The following CLMN variants were observed in gnomAD, a reference collection of about 807,000 sequenced individuals.
CLMN encodes the protein calmin, also known as calmin (calponin-like, transmembrane).
In CLMN, 57 loss-of-function variants were observed where a neutral mutation model predicts 92.7. The ratio of observed to expected loss-of-function variants is 0.61; its 90% CI spans 0.50 to 0.77. CLMN has a LOEUF of 0.77. Ranked by LOEUF, CLMN falls within the 30% of genes least tolerant of loss-of-function variation. CLMN has a pLI of 0.00. For missense variants in CLMN, 1,158 were observed against 1,237.5 expected (o/e 0.94, Z 0.96); for synonymous variants, 466 against 470.6 (o/e 0.99, Z 0.13).
At position 95,183,637 on chromosome 14, in the gene CLMN, T is replaced by C. The variant is rs1308906785; in HGVS notation, c.*7927A>G. On this transcript the variant is annotated 3_prime_UTR_variant, in exon 13 of 13. Transcript: ENST00000298912. ...GAAGTACGTGTTAGAGGTGCAGAGA[T>C]GAGCAGCTGGGGGCAGGATGTATAG... 6.6e-6 allele frequency: 1 copy of C among 152,206 alleles called. No individual in the cohort carries two copies. Among genetic ancestry groups the C allele is most frequent in the Non-Finnish European group, 1.5e-5 (1 of 68,042 alleles). The allele number at this position is 152,206 out of a possible 1,614,324, so 9.4% of individuals were successfully genotyped here.
chr14:95,213,410 C>G lies in CLMN; in HGVS notation c.418-1G>C, dbSNP rs1897250980. 6.3e-7 allele frequency: 1 copy of G among 1,597,960 alleles called. No individual in the cohort carries two copies. Among genetic ancestry groups the G allele is most frequent in the Non-Finnish European group, 8.5e-7 (1 of 1,173,772 alleles). ...TGAGGTTGCCTGTGAGCTCCTTAAT[C>G]TGGAAGGAAAATGGCATTTCAGACC... On this transcript the variant is annotated splice_acceptor_variant, in intron 5 of 12. Coordinates refer to ENST00000298912, the MANE Select transcript of CLMN (RefSeq NM_024734.4). LOFTEE classifies it high-confidence loss of function.
intron 1 of CLMN, chr14:95,296,131 C>T (rs1386528904): frequency 6.6e-6 from 1 of 152,226 alleles, no homozygotes; most frequent in East Asian, 1.9e-4. Flanking sequence ...AATTTTGGCT[C>T]ACATTTCTAG....
chr14:95,220,565 G>C (rs1165377544), intron 4 of CLMN, among the ~76,000 whole-genome samples: 1 of 152,210 alleles, frequency 6.6e-6, no homozygotes, highest in African/African-American at 2.4e-5. Context: ...GTGCTGCCAT[G>C]AACTGTAATG....
At chr14:95,280,626 T>C (rs765080948) in intron 1 of CLMN, among the ~76,000 whole-genome samples, 1 of 152,230 alleles carries the variant, frequency 6.6e-6, no homozygotes, top group Non-Finnish European at 1.5e-5. Context: ...AGTCTTTTTC[T>C]GACCTGATTA....
At chr14:95,196,475 G>C in intron 10 of CLMN, 23 bp downstream of exon 10, 1 of 1,599,606 alleles carries the variant, frequency 6.3e-7, no homozygotes, top group Non-Finnish European at 8.5e-7. Context: ...CACCTTACGG[G>C]TGAAAAGAGA....
chr14:95,183,635 G>A lies in CLMN; in HGVS notation c.*7929C>T, dbSNP rs918699455. On this transcript the variant is annotated 3_prime_UTR_variant, in exon 13 of 13. Transcript: ENST00000298912. ...GTGAAGTACGTGTTAGAGGTGCAGAGATGAGCAGCTGGGGGCAGGATGTAT... is the reference window on the plus strand; with the variant it reads ...GTGAAGTACGTGTTAGAGGTGCAGAAATGAGCAGCTGGGGGCAGGATGTAT... The A allele has an allele frequency of 6.6e-6, 1 of 152,238 alleles. No homozygotes were observed. Among genetic ancestry groups the A allele is most frequent in the African/African-American group, 2.4e-5 (1 of 41,460 alleles). The allele number at this position is 152,238 out of a possible 1,614,324, so 9.4% of individuals were successfully genotyped here.
At chr14:95,242,308 G>A (rs1898281718) in intron 1 of CLMN, among the ~76,000 whole-genome samples, 1 of 142,946 alleles carries the variant, frequency 7.0e-6, no homozygotes. Flanking sequence ...GCCCAGGCTG[G>A]AGTGCAGTGG....
chr14:95,301,943 AGACT>A (rs1372756309), intron 1 of CLMN, among the ~76,000 whole-genome samples: 39 of 152,380 alleles, frequency 2.6e-4, no homozygotes, highest in African/African-American at 6.7e-4. Context: ...TCACCCCAAC[AGACT>A]GACTAAGTGA....
At chr14:95,255,326 G>A (rs574696195) in intron 1 of CLMN, among the ~76,000 whole-genome samples, 1 of 152,152 alleles carries the variant, frequency 6.6e-6, no homozygotes, top group South Asian at 2.1e-4. Flanking sequence ...CAGTCATCTG[G>A]GGTCTGAAAA....
rs568328173 is a variant in CLMN at position 95,184,381 on chromosome 14, C to T, written c.*7183G>A. On this transcript the variant is annotated 3_prime_UTR_variant, in exon 13 of 13. Coordinates refer to ENST00000298912, the MANE Select transcript of CLMN (RefSeq NM_024734.4). ...CACTGCTAGATGAAGCTATTCTTGACATCTGAGTGTCAGGGATTTAAACAA... is the reference window on the plus strand; with the variant it reads ...CACTGCTAGATGAAGCTATTCTTGATATCTGAGTGTCAGGGATTTAAACAA... 6.6e-5 allele frequency: 10 copies of T among 152,352 alleles called. No individual in the cohort carries two copies. The highest frequency in any genetic ancestry group is 2.4e-4 in the African/African-American group (10 of 41,586). The allele number at this position is 152,352 out of a possible 1,614,324, so 9.4% of individuals were successfully genotyped here.
rs1898992802 is a variant in CLMN, at chr14:95,256,209, C to G, written c.83-26076G>C. ...CTGTCCTCGCCACGGGCACACCCAA[C>G]CGAGGCCCGCCACCCACTCCTCGGC... is the stretch of plus-strand genomic sequence containing the variant. On this transcript the variant is annotated intron_variant, in intron 1 of 12. Coordinates refer to ENST00000298912, the MANE Select transcript of CLMN (RefSeq NM_024734.4). The surrounding 1 kb of genome is among the most constrained non-coding windows in gnomAD (Gnocchi z 4.9). 6.6e-6 allele frequency among the ~76,000 whole-genome samples: 1 copy of G among 152,144 alleles called. No homozygotes were observed. Among genetic ancestry groups the G allele is most frequent in the South Asian group, 2.1e-4 (1 of 4,832 alleles).
intron 1 of CLMN, among the ~76,000 whole-genome samples, 160 bp from the exon 2 acceptor site, chr14:95,230,293 C>T (rs760759034): frequency 6.6e-6 from 1 of 152,228 alleles, no homozygotes; most frequent in African/African-American, 2.4e-5. Flanking sequence ...CAACGCCTTA[C>T]CTGGCACCCA....
rs1044715360 is a variant in CLMN, at chr14:95,294,940, G to A, written c.82+24771C>T. On this transcript the variant is annotated intron_variant, in intron 1 of 12. Transcript: ENST00000298912. This position sits in a 1 kb window ranked among gnomAD's most constrained non-coding sequence, Gnocchi z 4.2. ...CCAGCCAGAGTGCCCCTCACCAGGC[G>A]ATAGCTTTGTGGGGCTCCTATAATT... 1.3e-5 allele frequency among the ~76,000 whole-genome samples: 2 copies of A among 152,230 alleles called. No homozygotes were observed. The highest frequency in any genetic ancestry group is 6.5e-5 in the Admixed American group (1 of 15,290).
At chr14:95,200,435 G>A (rs892873741) in intron 9 of CLMN, among the ~76,000 whole-genome samples, 1 of 152,204 alleles carries the variant, frequency 6.6e-6, no homozygotes, top group African/African-American at 2.4e-5. Context: ...GTGAGCTCAT[G>A]GAGGGGCTGG....
Position 95,193,243 on chromosome 14 carries a change from A to G in CLMN, c.2840+606T>C, listed in dbSNP as rs1203357786. 10 of 948,664 alleles carry G rather than the reference A, an allele frequency of 1.1e-5. No homozygotes were observed. The East Asian group carries it at 2.4e-4, about 23-fold the overall frequency. The allele number at this position is 948,664 out of a possible 1,614,324, so 58.8% of individuals were successfully genotyped here. On this transcript the variant is annotated intron_variant, in intron 12 of 12. Transcript: ENST00000298912. ...ATTTGAGACGTTTTTCTGGTTTCCT[A>G]TGTTTTAAATGGGCAGGTTTCCAGC...
intron 1 of CLMN, chr14:95,260,630 C>T (rs1192017476): frequency 1.3e-5 from 2 of 152,158 alleles, no homozygotes; most frequent in Non-Finnish European, 2.9e-5. Flanking sequence ...TAATATCTTA[C>T]AGTCCATGTC....
chr14:95,197,252 G>T (rs1157097641), intron 9 of CLMN, among the ~76,000 whole-genome samples: 4 of 151,604 alleles, frequency 2.6e-5, no homozygotes, highest in East Asian at 3.9e-4. Flanking sequence ...CTGTGAAGAA[G>T]AAGGAAGAAG....
At chr14:95,242,634 G>A (rs1234167729) in intron 1 of CLMN, among the ~76,000 whole-genome samples, 6 of 148,514 alleles carry the variant, frequency 4.0e-5, no homozygotes, top group Non-Finnish European at 7.4e-5. Context: ...ACATGATCTC[G>A]GCTCACTGCA....
Position 95,203,124 on chromosome 14 carries a change from G to T in CLMN, c.2225C>A (p.Ala742Asp), listed in dbSNP as rs1484934406. The change falls in exon 9 of 13, where the codon GCT becomes GAT. Residue 742 changes from alanine (A) to aspartate (D), a missense_variant. Coordinates refer to ENST00000298912, the MANE Select transcript of CLMN (RefSeq NM_024734.4). Reference protein sequence around the residue: ...YEVPLAAVLEAYVEDPEDLKN... With the variant: ...YEVPLAAVLEDYVEDPEDLKN... ...TAGATCCTCCGGGTCTTCTACATAA[G>T]CCTCCAAAACTGCAGCCAGGGGAAC... 1 of 1,613,022 alleles carries T rather than the reference G, an allele frequency of 6.2e-7. No homozygotes were observed. Among genetic ancestry groups the T allele is most frequent in the African/African-American group, 1.3e-5 (1 of 75,006 alleles).
Sources: gnomAD v4.1 joint callset for allele counts (sites outside exome capture counted in the v4.1 genomes callset) on GRCh38, gnomAD v4.1.1 for gene constraint, Gnocchi (gnomAD v3.1) non-coding constraint, MANE v1.5 for transcripts, NCBI Gene and HGNC (gene_info 2026-07-23, HGNC 2026-07-21) for gene names.